Variants in ADARB2 observed in about 807,000 individuals in gnomAD.
The protein encoded by ADARB2 is inactive double-stranded RNA-specific editase B2.
In ADARB2, 25 loss-of-function variants were observed where a neutral mutation model predicts 62.2. That is an observed-to-expected ratio of 0.40 (90% CI 0.29 to 0.56). The LOEUF (loss-of-function observed/expected upper bound fraction) is 0.56. Ranked by LOEUF, ADARB2 falls within the 20% of genes least tolerant of loss-of-function variation. The pLI, the probability that ADARB2 is intolerant of heterozygous loss-of-function variation, is 0.43. For synonymous variants in ADARB2, 572 were observed against 500.8 expected (o/e 1.14, Z -1.90); for missense variants, 1,071 against 1,077.4 (o/e 0.99, Z 0.08).
chr10:1,250,233 C>T (rs1224754164), intron 4 of ADARB2, among the ~76,000 whole-genome samples: 2 of 151,726 alleles, frequency 1.3e-5, no homozygotes, highest in Middle Eastern at 3.2e-3. Flanking sequence ...TTTGCTTTGC[C>T]ATTGCTATGG....
intron 1 of ADARB2, among the ~76,000 whole-genome samples, chr10:1,665,795 C>T (rs1003026061): frequency 6.6e-6 from 1 of 152,212 alleles, no homozygotes; most frequent in Non-Finnish European, 1.5e-5. Flanking sequence ...CCTTGTGTCC[C>T]CCAGAGAAGG....
chr10:1,600,143 GGTATAAATA>G (rs1319428605), intron 1 of ADARB2, among the ~76,000 whole-genome samples: 10 of 152,266 alleles, frequency 6.6e-5, no homozygotes, highest in Non-Finnish European at 1.2e-4. Flanking sequence ...GGCCACATGT[GGTATAAATA>G]GTGCAGAAAT....
intron 1 of ADARB2, among the ~76,000 whole-genome samples, chr10:1,608,881 G>C (rs563519251): frequency 6.6e-6 from 1 of 152,064 alleles, no homozygotes; most frequent in South Asian, 2.1e-4. Flanking sequence ...ATTTCCCTCC[G>C]CATTGCCGGC....
intron 3 of ADARB2, among the ~76,000 whole-genome samples, chr10:1,272,823 CT>C (rs1048440515): frequency 4.0e-4 from 61 of 152,308 alleles, no homozygotes; most frequent in African/African-American, 1.4e-3. Flanking sequence ...GAAAAATACC[CT>C]TAACTGGGGG....
At chr10:1,544,658 A>C (rs1489924812) in intron 1 of ADARB2, among the ~76,000 whole-genome samples, 5 of 152,078 alleles carry the variant, frequency 3.3e-5, no homozygotes, top group African/African-American at 1.2e-4. Flanking sequence ...TCTTACGTCT[A>C]GGAGGCGGGT....
intron 1 of ADARB2, among the ~76,000 whole-genome samples, chr10:1,422,828 C>A (rs1054608211): frequency 6.6e-6 from 1 of 152,172 alleles, no homozygotes; most frequent in South Asian, 2.1e-4. Context: ...AGGGCATTAG[C>A]GTACCTCCTA....
At position 1,542,888 on chromosome 10, in the gene ADARB2, C is replaced by T. The variant is rs537711181; in HGVS notation, c.101-163728G>A. 6.8e-5 allele frequency among the ~76,000 whole-genome samples: 10 copies of T among 146,154 alleles called. No individual in the cohort carries two copies. In the South Asian group the frequency reaches 1.4e-3, roughly 20 times the overall value. The stretch of plus-strand genomic sequence containing the variant: ...TGTAGTTCAGACCCTGGATCACAGC[C>T]GCCCAGACCCCACTCAGATGTAGTT... On this transcript the variant is annotated intron_variant, in intron 1 of 9. Transcript: ENST00000381312.
chr10:1,450,697 C>T (rs1156529332), intron 1 of ADARB2, among the ~76,000 whole-genome samples: 1 of 152,174 alleles, frequency 6.6e-6, no homozygotes, highest in African/African-American at 2.4e-5. Context: ...TGGCAGGGAA[C>T]ATGGGTGAGT....
intron 1 of ADARB2, among the ~76,000 whole-genome samples, chr10:1,417,382 G>T (rs1256695198): frequency 2.0e-5 from 3 of 152,186 alleles, no homozygotes; most frequent in Admixed American, 2.0e-4. Flanking sequence ...TGACCAGGGA[G>T]TGCAGCCCAG....
intron 1 of ADARB2, among the ~76,000 whole-genome samples, chr10:1,457,011 C>T (rs556298166): frequency 3.6e-5 from 5 of 137,850 alleles, no homozygotes; most frequent in East Asian, 2.6e-4. Context: ...CTGCCCGCCT[C>T]GGCCTCCCAA....
At chr10:1,470,774 C>G (rs1233727595) in intron 1 of ADARB2, among the ~76,000 whole-genome samples, 1 of 152,234 alleles carries the variant, frequency 6.6e-6, no homozygotes, top group African/African-American at 2.4e-5. Context: ...GGCGGTGGCT[C>G]ACGCCTATAA....
At chr10:1,509,828 T>C (rs1482632750) in intron 1 of ADARB2, among the ~76,000 whole-genome samples, 1 of 152,234 alleles carries the variant, frequency 6.6e-6, no homozygotes, top group Non-Finnish European at 1.5e-5. Context: ...GGATCTTATC[T>C]TAAAGGGGCA....
chr10:1,338,567 T>A (rs1831994683), intron 3 of ADARB2, among the ~76,000 whole-genome samples: 1 of 152,172 alleles, frequency 6.6e-6, no homozygotes, highest in Non-Finnish European at 1.5e-5. Context: ...ATGGCAAGAA[T>A]TCTCTATTTA....
chr10:1,666,281 T>C (rs1048632561), intron 1 of ADARB2, among the ~76,000 whole-genome samples: 1 of 152,228 alleles, frequency 6.6e-6, no homozygotes, highest in Admixed American at 6.5e-5. Flanking sequence ...GGCAGGGCAC[T>C]GAGGGCCACC....
intron 1 of ADARB2, among the ~76,000 whole-genome samples, chr10:1,653,178 A>T (rs1289587836): frequency 2.6e-5 from 4 of 152,144 alleles, no homozygotes; most frequent in Non-Finnish European, 5.9e-5. Context: ...CAGGGGAAAT[A>T]TGGGGCTGCT....
intron 1 of ADARB2, among the ~76,000 whole-genome samples, chr10:1,418,328 C>G (rs1832822837): frequency 6.6e-6 from 1 of 152,198 alleles, no homozygotes; most frequent in Admixed American, 6.5e-5. Context: ...CTTTAAGATG[C>G]AGCGGGGACC....
intron 4 of ADARB2, among the ~76,000 whole-genome samples, chr10:1,264,064 C>T (rs1287873883): frequency 1.3e-5 from 2 of 152,038 alleles, no homozygotes; most frequent in South Asian, 2.1e-4. Flanking sequence ...ACTCAGCCGT[C>T]GGCCTCCGTG....
chr10:1,320,292 T>C (rs1350765561), intron 3 of ADARB2, among the ~76,000 whole-genome samples: 1 of 152,192 alleles, frequency 6.6e-6, no homozygotes, highest in East Asian at 1.9e-4. Context: ...CATAGCAAAG[T>C]AGGGCTCCCC....
intron 1 of ADARB2, among the ~76,000 whole-genome samples, chr10:1,600,220 C>T (rs528501370): frequency 6.6e-6 from 1 of 152,172 alleles, no homozygotes; most frequent in East Asian, 1.9e-4. Flanking sequence ...TCAGATGGGC[C>T]CATTAGGTGT....
Sources: allele counts gnomAD v4.1 joint callset (sites outside exome capture counted in the v4.1 genomes callset), GRCh38; gene constraint gnomAD v4.1.1; transcripts MANE v1.5; gene names NCBI Gene and HGNC (gene_info 2026-07-23, HGNC 2026-07-21).